The following BMS1 variants were observed in gnomAD, a reference collection of about 807,000 sequenced individuals.
BMS1 encodes the protein ribosome biogenesis protein BMS1 homolog.
In BMS1, 53 loss-of-function variants were observed where a neutral mutation model predicts 138.7. That is an observed-to-expected ratio of 0.38 (90% CI 0.31 to 0.48). BMS1 has a LOEUF of 0.48. BMS1 is among the 20% of genes least tolerant of loss of function. The probability of loss-of-function intolerance (pLI) is 0.97; values close to 1 mark genes in which losing one functional copy is unlikely to be tolerated. For synonymous variants in BMS1, 504 were observed against 539.9 expected (o/e 0.93, Z 0.92); for missense variants, 1,360 against 1,565.5 (o/e 0.87, Z 2.22).
chr10:42,826,237 T>TTGTGTGTGTGTG (rs35886214), intron 21 of BMS1, among the ~76,000 whole-genome samples: 83 of 145,760 alleles, frequency 5.7e-4, no homozygotes, highest in Middle Eastern at 6.8e-3. Context: ...TTTTTGTTTG[T>TTGTGTGTGTGTG]TGTGTGTGTG....
At position 42,832,716 on chromosome 10, in the gene BMS1, C is replaced by G. The variant is rs1842822315; in HGVS notation, c.*1620C>G. On this transcript the variant is annotated 3_prime_UTR_variant, in exon 23 of 23. Coordinates refer to ENST00000374518, the MANE Select transcript of BMS1 (RefSeq NM_014753.4). ...TGTGAGGATCCTGTCAGGGCTAGGT[C>G]CACCTGGGAAGTGACAATTGGAACA... The G allele has an allele frequency of 6.6e-6, 1 of 152,076 alleles. No homozygotes were observed. The highest frequency in any genetic ancestry group is 6.6e-5 in the Admixed American group (1 of 15,254). The allele number at this position is 152,076 out of a possible 1,614,324, so 9.4% of individuals were successfully genotyped here. A position where few individuals can be genotyped will look rare whatever the true frequency, so the allele number is the denominator to read the frequency against.
intron 13 of BMS1, among the ~76,000 whole-genome samples, chr10:42,813,855 C>G (rs1038557542): frequency 2.6e-5 from 4 of 152,184 alleles, no homozygotes; most frequent in African/African-American, 9.7e-5. Flanking sequence ...CTTTATTTCT[C>G]TCTTCATTTC....
chr10:42,829,952 A>T (rs768487411), intron 21 of BMS1, among the ~76,000 whole-genome samples: 46 of 152,244 alleles, frequency 3.0e-4, no homozygotes, highest in Non-Finnish European at 3.8e-4. Flanking sequence ...TTCCATGAAA[A>T]GAAACTGGGA....
In BMS1 at chr10:42,831,681, T is replaced by C. The variant is rs1027973718; in HGVS notation, c.*585T>C. On this transcript the variant is annotated 3_prime_UTR_variant, in exon 23 of 23. Coordinates refer to ENST00000374518, the MANE Select transcript of BMS1 (RefSeq NM_014753.4). ...TGTGGACATTTTCTATCTTATTTCA[T>C]ATGTTCTGCACATTAGTATAGTGAC... 6 of 154,652 alleles carry C rather than the reference T, an allele frequency of 3.9e-5. No homozygotes were observed. The highest frequency in any genetic ancestry group is 1.4e-4 in the African/African-American group (6 of 41,456). 9.6% of individuals were successfully genotyped at this position (154,652 alleles called of 1,614,324 possible).
At chr10:42,798,714 G>A in intron 12 of BMS1, 89 bp downstream of exon 12, 1 of 1,529,108 alleles carries the variant, frequency 6.5e-7, no homozygotes, top group East Asian at 2.3e-5. Context: ...CTTACCTGTT[G>A]TTGGCTTCTT....
chr10:42,791,907 A>G (rs1019571554), intron 6 of BMS1, 138 bp downstream of exon 6: 171 of 1,105,156 alleles, frequency 1.5e-4, no homozygotes, highest in African/African-American at 2.1e-4. Context: ...GAAAATGTCT[A>G]CTTATATCAT....
chr10:42,816,123 A>C (rs1444855355), intron 13 of BMS1, among the ~76,000 whole-genome samples: 2 of 152,010 alleles, frequency 1.3e-5, no homozygotes, highest in Non-Finnish European at 2.9e-5. Flanking sequence ...AATTGGTGAA[A>C]TCCCATCTTT....
chr10:42,796,444 G>C (rs936719289), intron 9 of BMS1, 30 bp from the exon 10 acceptor site: 2 of 1,577,426 alleles, frequency 1.3e-6, no homozygotes, highest in Non-Finnish European at 1.7e-6. Context: ...TGTACAAATT[G>C]AATTATTTTG....
At position 42,833,785 on chromosome 10, in the gene BMS1, A is replaced by G. The variant is rs1322011501; in HGVS notation, c.*2689A>G. 3 of 152,232 alleles carry G rather than the reference A, an allele frequency of 2.0e-5. No homozygotes were observed. Among genetic ancestry groups the G allele is most frequent in the South Asian group, 2.1e-4 (1 of 4,834 alleles). The allele number at this position is 152,232 out of a possible 1,614,324, so 9.4% of individuals were successfully genotyped here. On this transcript the variant is annotated 3_prime_UTR_variant, in exon 23 of 23. Transcript: ENST00000374518. Reference sequence around the variant, plus strand: ...TGGAGAGTGTGTAAATTACTTTTCAATACTAATGGCTTATTAATTTGATAT... The same window carrying G: ...TGGAGAGTGTGTAAATTACTTTTCAGTACTAATGGCTTATTAATTTGATAT...
chr10:42,822,422 ACATATTGAACT>A lies in BMS1; in HGVS notation c.3132+259_3132+269del, dbSNP rs1342848379. ...TTCATAACTTCCATGTGAGACTGCCACATATTGAACTCATATTGAACTCATATTGAAAATAT... is the reference window on the plus strand; with the variant it reads ...TTCATAACTTCCATGTGAGACTGCCACATATTGAACTCATATTGAAAATAT... On this transcript the variant is annotated intron_variant, in intron 19 of 22. Transcript: ENST00000374518. 5.9e-5 allele frequency among the ~76,000 whole-genome samples: 9 copies of A among 152,374 alleles called. No homozygotes were observed. In the South Asian group the frequency reaches 8.3e-4, roughly 14 times the overall value.
chr10:42,804,007 T>C (rs572637417), intron 13 of BMS1, among the ~76,000 whole-genome samples: 14 of 152,232 alleles, frequency 9.2e-5, no homozygotes, highest in Non-Finnish European at 1.9e-4. Context: ...ATGTACTCTT[T>C]TCTGTCTAAC....
intron 21 of BMS1, among the ~76,000 whole-genome samples, chr10:42,828,073 A>G (rs934905140): frequency 6.6e-6 from 1 of 152,342 alleles, no homozygotes; most frequent in African/African-American, 2.4e-5. Context: ...GAACTGTAGC[A>G]CACCAGCTGC....
rs1438410615 is a variant in BMS1 at position 42,832,747 on chromosome 10, A to G, written c.*1651A>G. ...GGGAAGTGACAATTGGAACACTCCC[A>G]GACCTCTCTGGGCAACTCTGGGTGT... On this transcript the variant is annotated 3_prime_UTR_variant, in exon 23 of 23. Coordinates refer to ENST00000374518, the MANE Select transcript of BMS1 (RefSeq NM_014753.4). The G allele has an allele frequency of 6.6e-6, 1 of 152,226 alleles. No individual in the cohort carries two copies. The highest frequency in any genetic ancestry group is 1.5e-5 in the Non-Finnish European group (1 of 68,050). The allele number at this position is 152,226 out of a possible 1,614,324, so 9.4% of individuals were successfully genotyped here. A position where few individuals can be genotyped will look rare whatever the true frequency, so the allele number is the denominator to read the frequency against.
At chr10:42,811,522 T>TTC (rs1564423782) in intron 13 of BMS1, among the ~76,000 whole-genome samples, 3 of 118,696 alleles carry the variant, frequency 2.5e-5, no homozygotes, top group Admixed American at 8.3e-5. Context: ...TGTATTTTCT[T>TTC]TTTCTTTTTT....
Position 42,802,255 on chromosome 10 carries a change from T to C in BMS1, c.2329+37T>C, listed in dbSNP as rs1280558500. On this transcript the variant is annotated intron_variant, in intron 13 of 22. Coordinates refer to ENST00000374518, the MANE Select transcript of BMS1 (RefSeq NM_014753.4). Reference sequence around the variant, plus strand: ...GCTGGGTTCTTCAGGAAGACTGGCTTCTCTAAACTTTATTTTCTTCAGTAT... The same window carrying C: ...GCTGGGTTCTTCAGGAAGACTGGCTCCTCTAAACTTTATTTTCTTCAGTAT... The C allele has an allele frequency of 2.6e-6, 4 of 1,565,620 alleles. No homozygotes were observed. The South Asian group carries it at 3.4e-5, about 13-fold the overall frequency.
chr10:42,810,004 G>C (rs1276534033), intron 13 of BMS1, among the ~76,000 whole-genome samples: 1 of 145,600 alleles, frequency 6.9e-6, no homozygotes, highest in African/African-American at 2.6e-5. Flanking sequence ...TGTTGCCCAG[G>C]CTGGTCTTGG....
intron 3 of BMS1, among the ~76,000 whole-genome samples, chr10:42,786,940 C>T (rs1424038882): frequency 1.3e-5 from 2 of 152,146 alleles, no homozygotes; most frequent in Non-Finnish European, 2.9e-5. Context: ...CACTTTTATT[C>T]ATCTGGGTAG....
In BMS1 at chr10:42,832,566, A is replaced by G. The variant is rs1463664505; in HGVS notation, c.*1470A>G. ...ATATGAGTGCCACATTGCCTTTACA[A>G]CATCATAGGGGCCAAAGAGGGTTGG... On this transcript the variant is annotated 3_prime_UTR_variant, in exon 23 of 23. Transcript: ENST00000374518. The G allele has an allele frequency of 6.6e-6, 1 of 152,204 alleles. No individual in the cohort carries two copies. The highest frequency in any genetic ancestry group is 1.9e-4 in the East Asian group (1 of 5,192). 9.4% of individuals were successfully genotyped at this position (152,204 alleles called of 1,614,324 possible).
chr10:42,826,360 G>A (rs1241027009), intron 21 of BMS1, among the ~76,000 whole-genome samples: 5 of 151,740 alleles, frequency 3.3e-5, no homozygotes, highest in Non-Finnish European at 5.9e-5. Flanking sequence ...CTATTTTTGC[G>A]AAGAGTTTAA....
Sources: allele counts gnomAD v4.1 joint callset (sites outside exome capture counted in the v4.1 genomes callset), GRCh38; gene constraint gnomAD v4.1.1; transcripts MANE v1.5; gene names NCBI Gene and HGNC (gene_info 2026-07-23, HGNC 2026-07-21).